The following NR6A1 variants were observed in gnomAD, a reference collection of about 807,000 sequenced individuals.
NR6A1 encodes the protein retinoic acid receptor-related testis-associated receptor.
A neutral mutation model predicts 59.1 loss-of-function variants in NR6A1; 7 were observed. The ratio of observed to expected loss-of-function variants is 0.12; its 90% CI spans 0.07 to 0.22. The LOEUF (loss-of-function observed/expected upper bound fraction) is 0.22. NR6A1 is among the 10% of genes least tolerant of loss of function. NR6A1 has a pLI of 1.00. For missense variants in NR6A1, 468 were observed against 611.6 expected, an observed-to-expected ratio of 0.77 and a Z score of 2.48; for synonymous variants, 243 against 236.1, an observed-to-expected ratio of 1.03 and a Z score of -0.27.
chr9:124,593,669 A>C (rs1835191777), intron 2 of NR6A1, among the ~76,000 whole-genome samples: 1 of 152,160 alleles, frequency 6.6e-6, no homozygotes, highest in African/African-American at 2.4e-5. Context: ...TTTAAGCGGC[A>C]ATCTAATTTT....
At chr9:124,656,471 G>A (rs781572922) in intron 2 of NR6A1, among the ~76,000 whole-genome samples, 7 of 152,146 alleles carry the variant, frequency 4.6e-5, no homozygotes, top group Non-Finnish European at 1.0e-4. Context: ...AGTGAAATAA[G>A]CCTGTCAAAA....
intron 5 of NR6A1, among the ~76,000 whole-genome samples, chr9:124,539,569 T>C (rs1329882518): frequency 6.6e-6 from 1 of 152,110 alleles, no homozygotes; most frequent in Non-Finnish European, 1.5e-5. Context: ...GAACCAAGAG[T>C]TTCTAAGTTT....
At chr9:124,670,689 A>G (rs1234506818) in intron 2 of NR6A1, among the ~76,000 whole-genome samples, 1 of 152,232 alleles carries the variant, frequency 6.6e-6, no homozygotes, top group African/African-American at 2.4e-5. Flanking sequence ...GGTGTGTTTA[A>G]GAGCAGTGAG....
intron 2 of NR6A1, among the ~76,000 whole-genome samples, chr9:124,570,988 C>T (rs1256962765): frequency 6.6e-6 from 1 of 152,172 alleles, no homozygotes; most frequent in Non-Finnish European, 1.5e-5. Flanking sequence ...CTTTATGTAT[C>T]TCATGGCAGT....
rs77995348 is a variant in NR6A1, at chr9:124,549,660, C to T, written c.385+4668G>A. 4.7e-3 allele frequency among the ~76,000 whole-genome samples: 709 copies of T among 152,320 alleles called. 6 individuals are homozygous for T. The highest frequency in any genetic ancestry group is 0.016 in the African/African-American group (664 of 41,556). Reference sequence around the variant, plus strand: ...CACATAGGTGAAAAAGCCCCAGCCACAAATGGCAGCTGCATTTTTTTAATA... The same window carrying T: ...CACATAGGTGAAAAAGCCCCAGCCATAAATGGCAGCTGCATTTTTTTAATA... On this transcript the variant is annotated intron_variant, in intron 3 of 9. Coordinates refer to ENST00000487099, the MANE Select transcript of NR6A1 (RefSeq NM_033334.4).
chr9:124,540,300 T>A, intron 4 of NR6A1, 113 bp from the exon 5 acceptor site: 2 of 1,159,292 alleles, frequency 1.7e-6, no homozygotes, highest in South Asian at 1.6e-5. Context: ...AGGTTCCCTC[T>A]CCTCCATCCC....
chr9:124,684,065 T>C (rs759945765), intron 2 of NR6A1, among the ~76,000 whole-genome samples: 4 of 152,178 alleles, frequency 2.6e-5, no homozygotes, highest in Non-Finnish European at 5.9e-5. Flanking sequence ...AACAAAACAC[T>C]AGCCTCGAGT....
In NR6A1 at chr9:124,737,588, G is replaced by A. The variant is rs117950939; in HGVS notation, c.101-4239C>T. Among the ~76,000 whole-genome samples the A allele has an allele frequency of 3.2e-3, 490 of 152,292 alleles. 3 individuals are homozygous for A. The highest frequency in any genetic ancestry group is 5.8e-3 in the Non-Finnish European group (397 of 68,018). On this transcript the variant is annotated intron_variant, in intron 1 of 9. Transcript: ENST00000487099. ...TTCAGCAGAAAGCAGAATCTTGGCC[G>A]GGCGCAGTGGCTCACACCTGTAATC...
At chr9:124,715,265 G>A (rs942274840) in intron 2 of NR6A1, among the ~76,000 whole-genome samples, 5 of 152,000 alleles carry the variant, frequency 3.3e-5, no homozygotes, top group African/African-American at 4.8e-5. Flanking sequence ...GCTCACACCT[G>A]TAAACTCAGT....
intron 2 of NR6A1, among the ~76,000 whole-genome samples, chr9:124,678,334 T>C (rs1341076230): frequency 6.6e-6 from 1 of 152,188 alleles, no homozygotes; most frequent in Non-Finnish European, 1.5e-5. Flanking sequence ...GTCTGAATAA[T>C]GTACATATCA....
chr9:124,692,351 T>A, intron 2 of NR6A1: 1 of 371,094 alleles, frequency 2.7e-6, no homozygotes, highest in South Asian at 2.3e-5. Context: ...ATTTAAATAC[T>A]CTCGACTTGA....
intron 3 of NR6A1, among the ~76,000 whole-genome samples, chr9:124,545,779 T>C (rs187073723): frequency 1.8e-4 from 27 of 152,320 alleles, no homozygotes; most frequent in Admixed American, 9.2e-4. Flanking sequence ...AAGGGCCACA[T>C]GTCTTAAAGA....
At chr9:124,539,757 G>A (rs1833385872) in intron 5 of NR6A1, among the ~76,000 whole-genome samples, 1 of 152,234 alleles carries the variant, frequency 6.6e-6, no homozygotes, top group South Asian at 2.1e-4. Flanking sequence ...CATTTAAAAT[G>A]TTATTCTGTT....
At chr9:124,704,128 A>G (rs941555055) in intron 2 of NR6A1, among the ~76,000 whole-genome samples, 5 of 152,116 alleles carry the variant, frequency 3.3e-5, no homozygotes, top group Admixed American at 3.3e-4. Context: ...GAATTTGTCC[A>G]TTTCATCTAA....
intron 2 of NR6A1, among the ~76,000 whole-genome samples, chr9:124,561,069 G>C (rs891432958): frequency 7.2e-5 from 11 of 152,142 alleles, no homozygotes; most frequent in African/African-American, 2.4e-4. Flanking sequence ...TGAGCACTTA[G>C]ATGTACCTCT....
chr9:124,588,919 C>CA (rs57274135), intron 2 of NR6A1, among the ~76,000 whole-genome samples: 718 of 51,982 alleles, frequency 0.014, 7 homozygotes, highest in South Asian at 0.041. Context: ...GACTCTGTCT[C>CA]AAAAAAAAAA....
intron 2 of NR6A1, chr9:124,599,116 T>C (rs749205873): frequency 7.3e-6 from 5 of 683,488 alleles, no homozygotes; most frequent in African/African-American, 5.3e-5. Flanking sequence ...GACGGTTCTC[T>C]GCGGCAAATC....
In NR6A1 at chr9:124,766,689, A is replaced by G. The variant is rs575707581; in HGVS notation, c.100+4331T>C. 5.1e-4 allele frequency among the ~76,000 whole-genome samples: 77 copies of G among 152,360 alleles called. 1 individual carries two copies. The highest frequency in any genetic ancestry group is 1.8e-3 in the African/African-American group (75 of 41,582). Reference sequence around the variant, plus strand: ...AATACTGAACAGAAAAGTGTCATTAATTTGGCTATAAATCAAAAATAAACT... The same window carrying G: ...AATACTGAACAGAAAAGTGTCATTAGTTTGGCTATAAATCAAAAATAAACT... On this transcript the variant is annotated intron_variant, in intron 1 of 9. Coordinates refer to ENST00000487099, the MANE Select transcript of NR6A1 (RefSeq NM_033334.4).
At chr9:124,548,587 G>A (rs181581908) in intron 3 of NR6A1, among the ~76,000 whole-genome samples, 4 of 152,236 alleles carry the variant, frequency 2.6e-5, no homozygotes, top group Admixed American at 6.5e-5. Flanking sequence ...TTAAGATTCT[G>A]CTCAAATGTT....
Sources: gnomAD v4.1 joint callset for allele counts (sites outside exome capture counted in the v4.1 genomes callset) on GRCh38, gnomAD v4.1.1 for gene constraint, MANE v1.5 for transcripts, NCBI Gene and HGNC (gene_info 2026-07-23, HGNC 2026-07-21) for gene names.